The following LRRC4C variants were observed in gnomAD, a reference collection of about 807,000 sequenced individuals.
LRRC4C encodes the protein leucine-rich repeat-containing protein 4C.
A neutral mutation model predicts 33.6 loss-of-function variants in LRRC4C; 5 were observed. That is an observed-to-expected ratio of 0.15 (90% CI 0.08 to 0.31). The LOEUF (loss-of-function observed/expected upper bound fraction) is 0.31. LRRC4C is among the 10% of genes least tolerant of loss of function. LRRC4C has a pLI of 1.00. For missense variants in LRRC4C, 560 were observed against 796.7 expected, an observed-to-expected ratio of 0.70 and a Z score of 3.58; for synonymous variants, 329 against 302.0, an observed-to-expected ratio of 1.09 and a Z score of -0.93.
chr11:40,359,107 A>G (rs10837387), intron 3 of LRRC4C, among the ~76,000 whole-genome samples: 76,041 of 152,010 alleles, frequency 0.5, 19,428 homozygotes, highest in East Asian at 0.8. Flanking sequence ...CCCTTATGTA[A>G]TGTGTCGGGT....
At chr11:41,149,202 G>A (rs985319659) in intron 1 of LRRC4C, among the ~76,000 whole-genome samples, 3 of 152,158 alleles carry the variant, frequency 2.0e-5, no homozygotes, top group African/African-American at 7.2e-5. Context: ...GGGTAGAGAA[G>A]GGAATTAAAA....
chr11:40,274,424 T>TACACACACACACACACACACACACAC lies in LRRC4C; in HGVS notation c.-175-32852_-175-32827dup, dbSNP rs56027023. On this transcript the variant is annotated intron_variant, in intron 4 of 6. Transcript: ENST00000528697. ...TTACCCTGCGGAATAGACACACACA[T>TACACACACACACACACACACACACAC]ACACACACACACACACACACACACA... 2.9e-5 allele frequency among the ~76,000 whole-genome samples: 4 copies of TACACACACACACACACACACACACAC among 138,970 alleles called. 1 individual carries two copies. Among genetic ancestry groups the TACACACACACACACACACACACACAC allele is most frequent in the African/African-American group, 8.2e-5 (3 of 36,806 alleles). The allele number at this position is 138,970 out of a possible 152,430, so 91.2% of individuals were successfully genotyped here. A position where few individuals can be genotyped will look rare whatever the true frequency, so the allele number is the denominator to read the frequency against.
In LRRC4C at chr11:41,367,284, G is replaced by T. The variant is rs946230408; in HGVS notation, c.-496+92147C>A. Among the ~76,000 whole-genome samples the T allele has an allele frequency of 3.3e-5, 5 of 152,060 alleles. No homozygotes were observed. In the East Asian group the frequency reaches 5.8e-4, roughly 18 times the overall value. On this transcript the variant is annotated intron_variant, in intron 1 of 6. Transcript: ENST00000528697. ...CTTTATAGTGAGGTGTGATATTGGG[G>T]TATCCAAACCTGGATGGAAATTCAT...
intron 4 of LRRC4C, among the ~76,000 whole-genome samples, chr11:40,260,286 C>A (rs200281184): frequency 7.2e-6 from 1 of 139,206 alleles, no homozygotes; most frequent in Non-Finnish European, 1.5e-5. Flanking sequence ...TCATCATTCT[C>A]AGTAAATTAT....
chr11:40,389,475 A>AG (rs1433743349), intron 3 of LRRC4C, among the ~76,000 whole-genome samples: 1 of 61,818 alleles, frequency 1.6e-5, no homozygotes, highest in Non-Finnish European at 4.1e-5. Context: ...GTCTCAAAAA[A>AG]AAAAATAATC....
chr11:41,017,285 C>G (rs928532240), intron 1 of LRRC4C, among the ~76,000 whole-genome samples: 2 of 152,118 alleles, frequency 1.3e-5, no homozygotes, highest in Admixed American at 6.6e-5. Context: ...TTACTGATAT[C>G]TTTTATTTCT....
At chr11:41,285,566 T>A (rs961625511) in intron 1 of LRRC4C, among the ~76,000 whole-genome samples, 2 of 152,076 alleles carry the variant, frequency 1.3e-5, no homozygotes, top group African/African-American at 4.8e-5. Context: ...AAATAGCATG[T>A]CCAAGGTTCA....
intron 3 of LRRC4C, among the ~76,000 whole-genome samples, chr11:40,338,131 G>T (rs991660192): frequency 6.6e-6 from 1 of 152,076 alleles, no homozygotes; most frequent in Non-Finnish European, 1.5e-5. Flanking sequence ...CTTTTACATG[G>T]AACTAGTACA....
At chr11:40,568,110 G>C (rs903856512) in intron 3 of LRRC4C, among the ~76,000 whole-genome samples, 2 of 152,186 alleles carry the variant, frequency 1.3e-5, no homozygotes, top group African/African-American at 2.4e-5. Context: ...CATAATAGAA[G>C]TGATGGAATG....
intron 4 of LRRC4C, among the ~76,000 whole-genome samples, chr11:40,268,025 G>GA (rs1180767905): frequency 6.6e-6 from 1 of 152,104 alleles, no homozygotes; most frequent in East Asian, 1.9e-4. Context: ...TGGGTGGAAG[G>GA]AAAAATCAAT....
intron 3 of LRRC4C, among the ~76,000 whole-genome samples, chr11:40,427,141 G>A (rs1463998008): frequency 6.6e-6 from 1 of 152,124 alleles, no homozygotes; most frequent in Non-Finnish European, 1.5e-5. Context: ...TAGAGGGTTG[G>A]CAAGGGGCAG....
chr11:40,260,511 A>G (rs1402116258), intron 4 of LRRC4C, among the ~76,000 whole-genome samples: 1 of 151,468 alleles, frequency 6.6e-6, no homozygotes, highest in African/African-American at 2.4e-5. Context: ...ATATGTAACT[A>G]ACCTGCACAT....
At chr11:40,535,536 T>C (rs986195462) in intron 3 of LRRC4C, among the ~76,000 whole-genome samples, 2 of 152,210 alleles carry the variant, frequency 1.3e-5, no homozygotes, top group African/African-American at 2.4e-5. Context: ...TAAACATTGT[T>C]AACAGCAACA....
chr11:40,179,800 T>C (rs4756581), intron 5 of LRRC4C, among the ~76,000 whole-genome samples: 135,410 of 152,242 alleles, frequency 0.89, 60,772 homozygotes, highest in Non-Finnish European at 0.96. Context: ...ATGAACATGT[T>C]ATAATTAGAT....
At chr11:41,260,672 A>G (rs2136727167) in intron 1 of LRRC4C, among the ~76,000 whole-genome samples, 1 of 152,192 alleles carries the variant, frequency 6.6e-6, no homozygotes, top group Non-Finnish European at 1.5e-5. Flanking sequence ...ATAAGCCACA[A>G]GGAAAAAGAT....
chr11:40,627,363 T>G (rs1963054248), intron 3 of LRRC4C, among the ~76,000 whole-genome samples: 1 of 152,126 alleles, frequency 6.6e-6, no homozygotes, highest in South Asian at 2.1e-4. Context: ...ATTATGATTT[T>G]CGGAGTTGGA....
intron 3 of LRRC4C, among the ~76,000 whole-genome samples, chr11:40,425,557 G>C (rs1160948673): frequency 6.6e-6 from 1 of 152,172 alleles, no homozygotes; most frequent in East Asian, 1.9e-4. Flanking sequence ...GCTACACATT[G>C]CCAGTTCCAC....
At chr11:40,355,529 G>GC (rs1947617088) in intron 3 of LRRC4C, among the ~76,000 whole-genome samples, 1 of 152,146 alleles carries the variant, frequency 6.6e-6, no homozygotes, top group South Asian at 2.1e-4. Flanking sequence ...CTTCTGGGTA[G>GC]CACTGATATA....
chr11:41,067,628 A>G (rs533240843), intron 1 of LRRC4C, among the ~76,000 whole-genome samples: 145 of 152,320 alleles, frequency 9.5e-4, no homozygotes, highest in African/African-American at 3.4e-3. Flanking sequence ...TCAGTGCCGC[A>G]TGGCACTTAT....
Sources: gnomAD v4.1 joint callset for allele counts (sites outside exome capture counted in the v4.1 genomes callset) on GRCh38, gnomAD v4.1.1 for gene constraint, MANE v1.5 for transcripts, NCBI Gene and HGNC (gene_info 2026-07-23, HGNC 2026-07-21) for gene names.